The following MAP3K14 variants were observed in gnomAD, a reference collection of about 807,000 sequenced individuals.
The protein encoded by MAP3K14 is NF-kappa-beta-inducing kinase.
In MAP3K14, 16 loss-of-function variants were observed where a neutral mutation model predicts 99.2. The observed-to-expected ratio is 0.16, with a 90% CI of 0.11 to 0.24. MAP3K14 has a LOEUF of 0.24. MAP3K14 is among the 10% of genes least tolerant of loss of function. The probability of loss-of-function intolerance (pLI) is 1.00; values close to 1 mark genes in which losing one functional copy is unlikely to be tolerated. For missense variants in MAP3K14, 784 were observed against 1,208.7 expected (o/e 0.65, Z 5.21); for synonymous variants, 462 against 492.4 (o/e 0.94, Z 0.82).
At chr17:45,308,592 C>T (rs2044447762) in intron 1 of MAP3K14, among the ~76,000 whole-genome samples, 1 of 152,182 alleles carries the variant, frequency 6.6e-6, no homozygotes, top group Non-Finnish European at 1.5e-5. Flanking sequence ...CAGCCTCGAA[C>T]TCCTGAGCTC....
chr17:45,297,607 T>C (rs1470423898), intron 1 of MAP3K14, among the ~76,000 whole-genome samples: 1 of 152,086 alleles, frequency 6.6e-6, no homozygotes, highest in East Asian at 1.9e-4. Context: ...AAGGATGTAC[T>C]TTGCAAAGAA....
chr17:45,290,725 G>A lies in MAP3K14; in HGVS notation c.21C>T (p.Ala7=), dbSNP rs554734754. Residue 7 remains alanine, a synonymous_variant, in exon 2 of 16, where the codon GCC becomes GCT. Transcript: ENST00000344686. MAVMEM[A]CPGAPGSAVG... ...CTGCTGAGCCAGGGGCACCTGGGCA[G>A]GCCATTTCCATCACTGCCATCTCCC... 3 of 1,613,224 alleles carry A rather than the reference G, an allele frequency of 1.9e-6. No homozygotes were observed. The highest frequency in any genetic ancestry group is 2.2e-5 in the South Asian group (2 of 91,070).
chr17:45,269,555 T>C (rs567990390), intron 11 of MAP3K14, among the ~76,000 whole-genome samples: 1 of 152,176 alleles, frequency 6.6e-6, no homozygotes, highest in Non-Finnish European at 1.5e-5. Flanking sequence ...GATTAGAGGG[T>C]TGGGACTTTC....
chr17:45,298,127 A>T (rs1046186158), intron 1 of MAP3K14, among the ~76,000 whole-genome samples: 4 of 152,152 alleles, frequency 2.6e-5, no homozygotes. Context: ...CTTTTTGGGG[A>T]CTTTATGTAC....
At chr17:45,302,334 G>A (rs1447564476) in intron 1 of MAP3K14, among the ~76,000 whole-genome samples, 5 of 152,004 alleles carry the variant, frequency 3.3e-5, no homozygotes, top group African/African-American at 1.2e-4. Flanking sequence ...ATGAGATGGA[G>A]TCTCACTCTA....
chr17:45,273,468 C>T, intron 9 of MAP3K14, 35 bp downstream of exon 9: 1 of 1,504,046 alleles, frequency 6.6e-7, no homozygotes, highest in Non-Finnish European at 9.2e-7. Flanking sequence ...CGAATGAATG[C>T]ATTGGGGGGC....
At chr17:45,289,397 C>T in intron 2 of MAP3K14, 92 bp from the exon 3 acceptor site, 1 of 975,344 alleles carries the variant, frequency 1.0e-6, no homozygotes, top group Non-Finnish European at 1.6e-6. Context: ...CCCTCTGGCG[C>T]CTCTCCTTCC....
chr17:45,290,363 G>T, intron 2 of MAP3K14, 127 bp downstream of exon 2: 1 of 1,191,950 alleles, frequency 8.4e-7, no homozygotes. Context: ...ACCTCTGGTT[G>T]TGTCTCATGA....
chr17:45,270,806 A>T (rs1467797488), intron 10 of MAP3K14: 1 of 746,380 alleles, frequency 1.3e-6, no homozygotes, highest in Non-Finnish European at 2.2e-6. Flanking sequence ...GCCCGTTAGG[A>T]GGCAGGTGGA....
At chr17:45,295,263 C>G (rs1401070059) in intron 1 of MAP3K14, among the ~76,000 whole-genome samples, 1 of 151,004 alleles carries the variant, frequency 6.6e-6, no homozygotes, top group South Asian at 2.1e-4. Flanking sequence ...CCATTTTTGT[C>G]AAATGAAATC....
At chr17:45,289,714 T>TTA (rs1375053005) in intron 2 of MAP3K14, among the ~76,000 whole-genome samples, 1 of 152,172 alleles carries the variant, frequency 6.6e-6, no homozygotes, top group East Asian at 1.9e-4. Context: ...TTTAAAACAA[T>TTA]TATTATGTCA....
At chr17:45,269,148 C>G (rs1333257806) in intron 11 of MAP3K14, among the ~76,000 whole-genome samples, 1 of 152,156 alleles carries the variant, frequency 6.6e-6, no homozygotes, top group African/African-American at 2.4e-5. Flanking sequence ...GTAGCTAGGA[C>G]TACACGCATG....
intron 1 of MAP3K14, among the ~76,000 whole-genome samples, chr17:45,303,309 C>T (rs2044404734): frequency 6.6e-6 from 1 of 152,090 alleles, no homozygotes; most frequent in African/African-American, 2.4e-5. Flanking sequence ...GACTGTAATC[C>T]CATCACCTTG....
chr17:45,284,287 C>T (rs2044246322), intron 6 of MAP3K14, among the ~76,000 whole-genome samples: 1 of 152,224 alleles, frequency 6.6e-6, no homozygotes, highest in South Asian at 2.1e-4. Context: ...TCTTGCCAAG[C>T]TTCATGTCCC....
chr17:45,293,776 C>T (rs1349925387), intron 1 of MAP3K14, among the ~76,000 whole-genome samples: 1 of 152,182 alleles, frequency 6.6e-6, no homozygotes, highest in African/African-American at 2.4e-5. Flanking sequence ...GACACTTTGG[C>T]CTGACAGTGG....
At position 45,268,041 on chromosome 17, in the gene MAP3K14, A is replaced by C. The variant is rs890839266; in HGVS notation, c.1973-282T>G. On this transcript the variant is annotated intron_variant, in intron 11 of 15. Coordinates refer to ENST00000344686, the MANE Select transcript of MAP3K14 (RefSeq NM_003954.5). ...TAGCAAATTCAAAAACTACAGAATC[A>C]GCTCCAGAGGACTTTGTTAACAAGA... The C allele has an allele frequency of 4.9e-5, 19 of 384,410 alleles. No individual in the cohort carries two copies. In the East Asian group the frequency reaches 1.1e-3, roughly 21 times the overall value. 23.8% of individuals were successfully genotyped at this position (384,410 alleles called of 1,614,324 possible). A position where few individuals can be genotyped will look rare whatever the true frequency, so the allele number is the denominator to read the frequency against.
intron 6 of MAP3K14, among the ~76,000 whole-genome samples, chr17:45,277,292 A>G (rs997033971): frequency 6.6e-6 from 1 of 151,968 alleles, no homozygotes; most frequent in Non-Finnish European, 1.5e-5. Flanking sequence ...TCCTAATGCT[A>G]TTCCTCCCCC....
chr17:45,281,962 G>C (rs923465358), intron 6 of MAP3K14: 1 of 151,744 alleles, frequency 6.6e-6, no homozygotes, highest in African/African-American at 2.4e-5. Context: ...ACTTTTAATT[G>C]CAAACAAATA....
Position 45,309,840 on chromosome 17 carries a change from G to A in MAP3K14, c.-21+7120C>T, listed in dbSNP as rs186568674. On this transcript the variant is annotated intron_variant, in intron 1 of 15. Transcript: ENST00000344686. ...AACTGGACAACACCCATCTGGGCTC[G>A]GATTTGCATATATTTGCAAGTATCT... Among the ~76,000 whole-genome samples the A allele has an allele frequency of 5.3e-5, 8 of 152,212 alleles. No homozygotes were observed. In the East Asian group the frequency reaches 1.4e-3, roughly 26 times the overall value.
Sources: allele counts gnomAD v4.1 joint callset (sites outside exome capture counted in the v4.1 genomes callset), GRCh38; gene constraint gnomAD v4.1.1; transcripts MANE v1.5; gene names NCBI Gene and HGNC (gene_info 2026-07-23, HGNC 2026-07-21).